The following ELAVL4 variants were observed in gnomAD, a reference collection of about 807,000 sequenced individuals.
The protein encoded by ELAVL4 is ELAV-like protein 4.
A neutral mutation model predicts 35.6 loss-of-function variants in ELAVL4; 1 was observed. That is an observed-to-expected ratio of 0.03 (90% CI 0.01 to 0.13). The LOEUF is 0.13. Ranked by LOEUF, ELAVL4 falls within the 10% of genes least tolerant of loss-of-function variation. The pLI, the probability that ELAVL4 is intolerant of heterozygous loss-of-function variation, is 1.00. For synonymous variants in ELAVL4, 156 were observed against 171.0 expected (o/e 0.91, Z 0.69); for missense variants, 267 against 464.9 (o/e 0.57, Z 3.91).
intron 2 of ELAVL4, among the ~76,000 whole-genome samples, chr1:50,161,788 G>C (rs771556194): frequency 5.3e-5 from 8 of 152,192 alleles, no homozygotes; most frequent in Non-Finnish European, 8.8e-5. Context: ...TGCAAGGGCA[G>C]GATCGTGGCT....
intron 1 of ELAVL4, among the ~76,000 whole-genome samples, chr1:50,072,927 T>C (rs1217613113): frequency 2.0e-5 from 3 of 152,210 alleles, no homozygotes; most frequent in Non-Finnish European, 4.4e-5. Flanking sequence ...GTCTGTTTTC[T>C]GCCAGACTGT....
At chr1:50,138,054 T>G (rs1321465984) in intron 1 of ELAVL4, among the ~76,000 whole-genome samples, 3 of 152,148 alleles carry the variant, frequency 2.0e-5, no homozygotes, top group African/African-American at 7.2e-5. Flanking sequence ...AGGGCTGAGA[T>G]AAAAGTGTGG....
intron 1 of ELAVL4, among the ~76,000 whole-genome samples, chr1:50,066,960 G>A (rs1385412864): frequency 1.3e-5 from 2 of 152,126 alleles, no homozygotes; most frequent in African/African-American, 2.4e-5. Flanking sequence ...AAATAGAACA[G>A]TGCCGAACAG....
At chr1:50,056,929 CAAA>C (rs35088767) in intron 1 of ELAVL4, among the ~76,000 whole-genome samples, 5 of 130,022 alleles carry the variant, frequency 3.8e-5, no homozygotes, top group African/African-American at 6.2e-5. Context: ...AAGACTGTAT[CAAA>C]AAAAAAAAAA....
At chr1:50,060,251 T>G (rs1359090837) in intron 1 of ELAVL4, among the ~76,000 whole-genome samples, 1 of 152,084 alleles carries the variant, frequency 6.6e-6, no homozygotes, top group Non-Finnish European at 1.5e-5. Context: ...AATTTCAGAG[T>G]TCAGAGAGAT....
At chr1:50,073,151 C>G (rs1664606689) in intron 1 of ELAVL4, among the ~76,000 whole-genome samples, 1 of 152,210 alleles carries the variant, frequency 6.6e-6, no homozygotes, top group South Asian at 2.1e-4. Context: ...CAGTCTCCCT[C>G]TAGCCTCATG....
intron 3 of ELAVL4, 114 bp from the exon 4 acceptor site, chr1:50,193,651 C>T (rs1683011065): frequency 7.5e-7 from 1 of 1,330,092 alleles, no homozygotes; most frequent in South Asian, 1.5e-5. Context: ...GTGATTTAAA[C>T]TGACACCATG....
At chr1:50,186,016 CAG>C (rs909470885) in intron 3 of ELAVL4, among the ~76,000 whole-genome samples, 1 of 152,134 alleles carries the variant, frequency 6.6e-6, no homozygotes, top group South Asian at 2.1e-4. Context: ...ACTAGATAGA[CAG>C]AGAGAACTTA....
intron 3 of ELAVL4, among the ~76,000 whole-genome samples, chr1:50,187,403 C>G (rs1681998991): frequency 6.6e-6 from 1 of 152,134 alleles, no homozygotes; most frequent in East Asian, 1.9e-4. Context: ...TTGTTTAACC[C>G]TCAAACAGCT....
At chr1:50,137,701 ATATT>A (rs1164865294) in intron 1 of ELAVL4, among the ~76,000 whole-genome samples, 4 of 152,180 alleles carry the variant, frequency 2.6e-5, no homozygotes, top group African/African-American at 9.7e-5. Flanking sequence ...TCATCAATAA[ATATT>A]TATTTGATTA....
At chr1:50,100,513 G>A (rs1347895894), upstream of ELAVL4, among the ~76,000 whole-genome samples, 4 of 151,990 alleles carry the variant, frequency 2.6e-5, no homozygotes, top group Admixed American at 6.5e-5. Context: ...TTTGGATCTC[G>A]CCTCAGTTCA....
At chr1:50,156,419 T>A (rs1675764762) in intron 2 of ELAVL4, among the ~76,000 whole-genome samples, 1 of 152,092 alleles carries the variant, frequency 6.6e-6, no homozygotes, top group South Asian at 2.1e-4. Context: ...CCTAACCACT[T>A]CTCATCAAGG....
intron 1 of ELAVL4, chr1:50,110,050 G>A: frequency 6.6e-7 from 1 of 1,517,876 alleles, no homozygotes; most frequent in Middle Eastern, 1.8e-4. Flanking sequence ...TATGTGTAAG[G>A]ATGCTGGACT....
At chr1:50,073,462 C>G (rs1269372548) in intron 1 of ELAVL4, among the ~76,000 whole-genome samples, 1 of 151,488 alleles carries the variant, frequency 6.6e-6, no homozygotes, top group Non-Finnish European at 1.5e-5. Flanking sequence ...TAATAAAAAC[C>G]CATGTCCTTT....
chr1:50,114,391 T>C (rs28714106), intron 1 of ELAVL4, among the ~76,000 whole-genome samples: 1 of 151,992 alleles, frequency 6.6e-6, no homozygotes, highest in Non-Finnish European at 1.5e-5. Context: ...GGAACATCCT[T>C]ATATTTGTGA....
intron 1 of ELAVL4, among the ~76,000 whole-genome samples, chr1:50,139,678 G>A (rs1054599287): frequency 2.5e-4 from 38 of 152,086 alleles, no homozygotes; most frequent in African/African-American, 8.7e-4. Context: ...AAGGAGCCTG[G>A]ATTGTGTTGA....
chr1:50,142,683 T>A (rs1009772964), intron 1 of ELAVL4, among the ~76,000 whole-genome samples: 4 of 152,190 alleles, frequency 2.6e-5, no homozygotes, highest in Admixed American at 2.0e-4. Context: ...TATAAATGGA[T>A]ACAGCCACTT....
At chr1:50,104,816 T>C (rs563110632), upstream of ELAVL4, among the ~76,000 whole-genome samples, 32 of 152,360 alleles carry the variant, frequency 2.1e-4, no homozygotes, top group Non-Finnish European at 3.7e-4. Flanking sequence ...CCTTTTAACA[T>C]ACCCCCAATC....
At chr1:50,102,622 T>G (rs552423958), upstream of ELAVL4, among the ~76,000 whole-genome samples, 1 of 152,236 alleles carries the variant, frequency 6.6e-6, no homozygotes, top group Non-Finnish European at 1.5e-5. Context: ...ACTATATCCT[T>G]TAATGGTATG....
Sources: allele counts gnomAD v4.1 joint callset (sites outside exome capture counted in the v4.1 genomes callset), GRCh38; gene constraint gnomAD v4.1.1; transcripts MANE v1.5; gene names NCBI Gene and HGNC (gene_info 2026-07-23, HGNC 2026-07-21).